TINCR: variants seen among roughly 807,000 people sequenced by gnomAD.
The protein encoded by TINCR is TINCR ubiquitin domain containing.
exon 1 of TINCR, chr19:5,567,679 G>A: frequency 4.8e-6 from 1 of 210,220 alleles, no homozygotes; most frequent in Non-Finnish European, 9.2e-6. Flanking sequence ...GGTCGCTGAC[G>A]AGCAGCAGCA....
downstream of TINCR, chr19:5,562,296 T>C (rs941621045): frequency 2.0e-5 from 3 of 152,722 alleles, no homozygotes; most frequent in African/African-American, 7.2e-5. The surrounding 1 kb of genome is among the most constrained non-coding windows in gnomAD (Gnocchi z 4.4). Context: ...TTCTGCCCAC[T>C]GTCTGGCTGG....
chr19:5,564,929 G>A (rs2052120448), intron 1 of TINCR, among the ~76,000 whole-genome samples: 2 of 152,054 alleles, frequency 1.3e-5, no homozygotes, highest in African/African-American at 4.8e-5. Context: ...ATGGCTCACT[G>A]GGACCTCACC....
chr19:5,561,350 G>C (rs1365554512), downstream of TINCR: 9 of 153,814 alleles, frequency 5.9e-5, no homozygotes, highest in Admixed American at 5.9e-4. Flanking sequence ...GAAGCAGTGT[G>C]CATCAGCTGG....
chr19:5,567,134 A>C (rs1055391421), intron 1 of TINCR, among the ~76,000 whole-genome samples: 3 of 151,968 alleles, frequency 2.0e-5, no homozygotes, highest in Non-Finnish European at 4.4e-5. Context: ...AGACGCAGAG[A>C]TAAAAGAGAC....
Position 5,563,519 on chromosome 19 carries a change from T to C in TINCR, c.261-570A>G, listed in dbSNP as rs1019837017. On this transcript the variant is annotated intron_variant, in intron 1 of 1. Coordinates refer to ENST00000646160, the Ensembl canonical transcript of TINCR. The surrounding 1 kb of genome is among the most constrained non-coding windows in gnomAD (Gnocchi z 4.7). ...CTAATGGAGCAGGGAGAAGGTTTAG[T>C]GATGAAGGGCGTGGCTTTAAAGCTG... Among the ~76,000 whole-genome samples the C allele has an allele frequency of 4.6e-5, 7 of 152,168 alleles. No homozygotes were observed. The highest frequency in any genetic ancestry group is 1.7e-4 in the African/African-American group (7 of 41,446).
At chr19:5,566,459 A>C (rs908947950) in intron 1 of TINCR, among the ~76,000 whole-genome samples, 2 of 151,950 alleles carry the variant, frequency 1.3e-5, no homozygotes, top group Admixed American at 6.6e-5. Flanking sequence ...CAGAGGAAAG[A>C]AAGCAGAGAC....
At chr19:5,567,862 C>T (rs1200668750) in exon 1 of TINCR, 3 of 392,944 alleles carry the variant, frequency 7.6e-6, no homozygotes, top group Non-Finnish European at 1.3e-5. Context: ...GCGCCTCGTC[C>T]GCCAGGTGCA....
rs943457034 is a variant in TINCR at position 5,565,208 on chromosome 19, G to A, written c.261-2259C>T. Among the ~76,000 whole-genome samples, 3 of 152,000 alleles carry A rather than the reference G, an allele frequency of 2.0e-5. No individual in the cohort carries two copies. Among genetic ancestry groups the A allele is most frequent in the South Asian group, 2.1e-4 (1 of 4,814 alleles). On this transcript the variant is annotated intron_variant, in intron 1 of 1. Coordinates refer to ENST00000646160, the Ensembl canonical transcript of TINCR. The surrounding 1 kb of genome is among the most constrained non-coding windows in gnomAD (Gnocchi z 4.0). The stretch of plus-strand genomic sequence containing the variant: ...TCCTCGCTGTTCCTCCAACATGCCA[G>A]GTGCAGTCCTGCCTCAGGGCCTTTG...
downstream of TINCR, chr19:5,559,138 A>C (rs1225906364): frequency 2.6e-5 from 4 of 152,198 alleles, no homozygotes; most frequent in African/African-American, 7.2e-5. Context: ...TGTTTGTTAA[A>C]TGTCAAAACA....
rs28607963 is a variant in TINCR at position 5,565,073 on chromosome 19, A to G, written c.261-2124T>C. Among the ~76,000 whole-genome samples, 2 of 151,614 alleles carry G rather than the reference A, an allele frequency of 1.3e-5. No homozygotes were observed. The highest frequency in any genetic ancestry group is 2.9e-5 in the Non-Finnish European group (2 of 67,868). On this transcript the variant is annotated intron_variant, in intron 1 of 1. Coordinates refer to ENST00000646160, the Ensembl canonical transcript of TINCR. The surrounding 1 kb of genome is among the most constrained non-coding windows in gnomAD (Gnocchi z 4.0). ...CCTCTATGGCTCCCACCTCCCTCGG[A>G]GTCAAGGCCCAAGTCCTCCCTGCAG...
chr19:5,566,797 G>C (rs1402770006), intron 1 of TINCR, among the ~76,000 whole-genome samples: 1 of 151,636 alleles, frequency 6.6e-6, no homozygotes, highest in African/African-American at 2.4e-5. Flanking sequence ...AAGGGGAAGA[G>C]AGACAGAGAC....
Position 5,567,420 on chromosome 19 carries a change from C to T in TINCR, c.260+245G>A, listed in dbSNP as rs527449388. Among the ~76,000 whole-genome samples, 13 of 152,168 alleles carry T rather than the reference C, an allele frequency of 8.5e-5. No homozygotes were observed. The East Asian group carries it at 2.5e-3, about 29-fold the overall frequency. On this transcript the variant is annotated intron_variant, in intron 1 of 1. Transcript: ENST00000646160. ...GTGACAAAGATGAGAGTGACAGAGA[C>T]AAAAGAGAGAGAGGCAGAAAAACAG...
intron 1 of TINCR, 42 bp downstream of exon 1, chr19:5,567,623 G>GCCCCCCCCCCCCCCCC: frequency 3.0e-6 from 1 of 328,350 alleles, no homozygotes; most frequent in African/African-American, 2.2e-5. Context: ...GGGGTCCCCG[G>GCCCCCCCCCCCCCCCC]CCGCCGCCCC....
In TINCR at chr19:5,563,437, G is replaced by A. The variant is rs898227222; in HGVS notation, c.261-488C>T. Among the ~76,000 whole-genome samples the A allele has an allele frequency of 1.3e-5, 2 of 152,182 alleles. No homozygotes were observed. Among genetic ancestry groups the A allele is most frequent in the East Asian group, 3.9e-4 (2 of 5,190 alleles). The stretch of plus-strand genomic sequence containing the variant: ...CTGAAGGACAGATAGAGGGGCTTGG[G>A]AGGAAGAGAGGAATAGACTGATGTC... On this transcript the variant is annotated intron_variant, in intron 1 of 1. Coordinates refer to ENST00000646160, the Ensembl canonical transcript of TINCR. The surrounding 1 kb of genome is among the most constrained non-coding windows in gnomAD (Gnocchi z 4.7).
chr19:5,560,432 G>A (rs997271029), downstream of TINCR: 4 of 152,156 alleles, frequency 2.6e-5, no homozygotes, highest in African/African-American at 9.7e-5. This position sits in a 1 kb window ranked among gnomAD's most constrained non-coding sequence, Gnocchi z 4.5. Context: ...CACGGCCCTC[G>A]AGGACATGCG....
intron 1 of TINCR, among the ~76,000 whole-genome samples, chr19:5,567,204 CAA>C (rs780691844): frequency 2.7e-5 from 4 of 150,296 alleles, no homozygotes; most frequent in African/African-American, 7.4e-5. Context: ...GAGACAGCCA[CAA>C]AAGAGATGAG....
chr19:5,567,480 CAGAG>C (rs960659639), intron 1 of TINCR, among the ~76,000 whole-genome samples, 181 bp downstream of exon 1: 2 of 152,224 alleles, frequency 1.3e-5, no homozygotes, highest in South Asian at 2.1e-4. Context: ...CAGGCACAGA[CAGAG>C]AGCCCGAAAG....
chr19:5,567,858 C>T (rs887313204), exon 1 of TINCR: 1 of 393,112 alleles, frequency 2.5e-6, no homozygotes, highest in African/African-American at 2.1e-5. Flanking sequence ...AGCAGCGCCT[C>T]GTCCGCCAGG....
At chr19:5,559,537 G>C, downstream of TINCR, 1 of 152,170 alleles carries the variant, frequency 6.6e-6, no homozygotes, top group East Asian at 1.9e-4. Flanking sequence ...GGGTTTCACC[G>C]TGTTAGCCAG....
Sources: allele counts gnomAD v4.1 joint callset (sites outside exome capture counted in the v4.1 genomes callset), GRCh38; gene constraint gnomAD v4.1.1; non-coding constraint Gnocchi (gnomAD v3.1); transcripts MANE v1.5; gene names NCBI Gene and HGNC (gene_info 2026-07-23, HGNC 2026-07-21).